The following PCDHGB4 variants were observed in gnomAD, a reference collection of about 807,000 sequenced individuals.
PCDHGB4 encodes protocadherin gamma subfamily B, 4.
In PCDHGB4, 38 loss-of-function variants were observed where a neutral mutation model predicts 60.5. The observed-to-expected ratio is 0.63, with a 90% CI of 0.48 to 0.82. PCDHGB4 has a LOEUF of 0.82. Ranked by LOEUF, PCDHGB4 falls within the 40% of genes least tolerant of loss-of-function variation. PCDHGB4 has a pLI of 0.00. For synonymous variants in PCDHGB4, 456 were observed against 509.7 expected, an observed-to-expected ratio of 0.89 and a Z score of 1.42; for missense variants, 1,109 against 1,209.6, an observed-to-expected ratio of 0.92 and a Z score of 1.23.
At chr5:141,467,008 AT>A (rs1165146249) in intron 1 of PCDHGB4, among the ~76,000 whole-genome samples, 2 of 150,270 alleles carry the variant, frequency 1.3e-5, no homozygotes, top group Non-Finnish European at 3.0e-5. Context: ...TTGCAATGCA[AT>A]TTTTTTCCCT....
chr5:141,427,467 T>TC, intron 1 of PCDHGB4: 1 of 508,052 alleles, frequency 2.0e-6, no homozygotes. Flanking sequence ...AATCGAATCT[T>TC]CCGCCAATAA....
chr5:141,433,358 C>CCCATCTAT (rs1554125967), intron 1 of PCDHGB4: 6 of 503,934 alleles, frequency 1.2e-5, no homozygotes, highest in Admixed American at 3.6e-5. Context: ...CTACTGTCTG[C>CCCATCTAT]CTATCTATCT....
rs2091936174 is a variant in PCDHGB4 at position 141,389,837 on chromosome 5, AC to A, written c.1954del (p.Leu652SerfsTer39). 6.2e-7 allele frequency: 1 copy of A among 1,613,842 alleles called. No individual in the cohort carries two copies. On this transcript the variant is annotated frameshift_variant, in exon 1 of 4. Transcript: ENST00000519479. LOFTEE classifies it high-confidence loss of function. ...VAVRDGGQPP[L>X]SATATLHLVF... ...CCGTGCGTGACGGTGGACAGCCACC[AC>A]TCTCGGCCACTGCCACGTTGCACCT...
Position 141,510,974 on chromosome 5 carries a change from G to T in PCDHGB4, c.2573G>T (p.Gly858Val). The T allele has an allele frequency of 6.2e-7, 1 of 1,614,150 alleles. No homozygotes were observed. The highest frequency in any genetic ancestry group is 1.1e-5 in the South Asian group (1 of 91,088). ...SEAADGSSTL[G>V]GGAGTMGLSA... ...GCTGCTGATGGGAGCTCCACCCTGG[G>T]AGGGGGTGCCGGCACCATGGGATTG... is the stretch of plus-strand genomic sequence containing the variant. The change falls in exon 4 of 4, where the codon GGA becomes GTA. Residue 858 changes from glycine (G) to valine (V), a missense_variant. Physicochemically the swap from Gly to Val is moderately radical, Grantham distance 109. Transcript: ENST00000519479.
chr5:141,492,908 A>G (rs1595151443), intron 1 of PCDHGB4, among the ~76,000 whole-genome samples: 2 of 152,302 alleles, frequency 1.3e-5, no homozygotes, highest in African/African-American at 4.8e-5. Context: ...TCGTGATCAC[A>G]ATGTGCCCAG....
chr5:141,419,317 T>C, intron 1 of PCDHGB4: 1 of 1,613,952 alleles, frequency 6.2e-7, no homozygotes, highest in Non-Finnish European at 8.5e-7. Flanking sequence ...TCAACGGCCG[T>C]GTCTCCTACT....
chr5:141,498,119 T>C (rs780741291), intron 2 of PCDHGB4, among the ~76,000 whole-genome samples: 42 of 152,192 alleles, frequency 2.8e-4, no homozygotes, highest in Non-Finnish European at 4.8e-4. Flanking sequence ...AATAGGGATT[T>C]GATTTAGGGA....
intron 1 of PCDHGB4, among the ~76,000 whole-genome samples, chr5:141,434,491 C>CCCAGGGCAGAAAACTGCTTAA (rs1300377022): frequency 1.8e-4 from 27 of 152,302 alleles, no homozygotes; most frequent in Non-Finnish European, 3.4e-4. Context: ...ACCTGGCCCG[C>CCCAGGGCAGAAAACTGCTTAA]CCAGGGCAGA....
intron 1 of PCDHGB4, among the ~76,000 whole-genome samples, chr5:141,461,415 T>C (rs2099015091): frequency 6.6e-6 from 1 of 152,152 alleles, no homozygotes; most frequent in Non-Finnish European, 1.5e-5. Flanking sequence ...TTTCATATGT[T>C]TGTGGGCCAT....
intron 1 of PCDHGB4, chr5:141,404,627 G>GC (rs2094548617): frequency 6.2e-7 from 1 of 1,614,026 alleles, no homozygotes; most frequent in Non-Finnish European, 8.5e-7. Flanking sequence ...GAATGACAAT[G>GC]CCCCAGAAAT....
At position 141,477,146 on chromosome 5, in the gene PCDHGB4, G is replaced by A. The variant is rs1447966302; in HGVS notation, c.2398-17661G>A. The stretch of plus-strand genomic sequence containing the variant: ...TTGCAAAGTGTTGGTGGAGGTTGTG[G>A]ATGTGAATGACAACGCCCCGGAGAT... On this transcript the variant is annotated intron_variant, in intron 1 of 3. Coordinates refer to ENST00000519479, the MANE Select transcript of PCDHGB4 (RefSeq NM_003736.4). This position sits in a 1 kb window ranked among gnomAD's most constrained non-coding sequence, Gnocchi z 4.9. 1 of 1,614,182 alleles carries A rather than the reference G, an allele frequency of 6.2e-7. No homozygotes were observed. The highest frequency in any genetic ancestry group is 8.5e-7 in the Non-Finnish European group (1 of 1,180,044).
chr5:141,484,869 G>C (rs2154580238), intron 1 of PCDHGB4: 1 of 292,558 alleles, frequency 3.4e-6, no homozygotes, highest in African/African-American at 2.2e-5. Flanking sequence ...GGGGGAGCGT[G>C]GAGGATAGGG....
At chr5:141,509,077 C>A (rs1371396735) in intron 3 of PCDHGB4, among the ~76,000 whole-genome samples, 3 of 152,242 alleles carry the variant, frequency 2.0e-5, no homozygotes, top group Admixed American at 2.0e-4. Flanking sequence ...CGGGGATTTG[C>A]GACATGAAAT....
At chr5:141,426,678 T>C (rs2096951425) in intron 1 of PCDHGB4, 2 of 431,490 alleles carry the variant, frequency 4.6e-6, no homozygotes, top group Admixed American at 5.1e-5. Flanking sequence ...CCCACCTCAT[T>C]TTCCCCAAAA....
At position 141,390,073 on chromosome 5, in the gene PCDHGB4, G is replaced by C; in HGVS notation, c.2189G>C (p.Cys730Ser). The C allele has an allele frequency of 6.2e-7, 1 of 1,614,074 alleles. No individual in the cohort carries two copies. The highest frequency in any genetic ancestry group is 8.5e-7 in the Non-Finnish European group (1 of 1,179,900). ...ASWSCFQPGLCVKSESVVPPN... is the reference protein window; with the variant it reads ...ASWSCFQPGLSVKSESVVPPN... ...TGGAGCTGCTTCCAGCCTGGTCTCT[G>C]TGTTAAATCCGAATCCGTGGTTCCC... The change falls in exon 1 of 4, where the codon TGT becomes TCT. Residue 730 changes from cysteine to serine, a missense_variant. This residue lies in a region of PCDHGB4 where 1,068 missense variants were observed against 1,089.9 expected (regional missense o/e 0.98). Transcript: ENST00000519479.
chr5:141,407,651 G>A (rs1005294855), intron 1 of PCDHGB4, among the ~76,000 whole-genome samples: 1 of 151,926 alleles, frequency 6.6e-6, no homozygotes, highest in African/African-American at 2.4e-5. Flanking sequence ...AATAATGGGG[G>A]AGCGCAGTAT....
At chr5:141,409,876 C>G in intron 1 of PCDHGB4, 1 of 1,612,874 alleles carries the variant, frequency 6.2e-7, no homozygotes, top group East Asian at 2.2e-5. Flanking sequence ...GCAATGACAA[C>G]GCACCGCGGG....
At chr5:141,390,307 A>G (rs2092112369) in intron 1 of PCDHGB4, 26 bp downstream of exon 1, 1 of 1,613,424 alleles carries the variant, frequency 6.2e-7, no homozygotes, top group Admixed American at 1.7e-5. Flanking sequence ...GTATAATTTA[A>G]TGCTCATTGC....
chr5:141,399,443 G>A, intron 1 of PCDHGB4: 1 of 1,614,018 alleles, frequency 6.2e-7, no homozygotes, highest in Non-Finnish European at 8.5e-7. Flanking sequence ...CTACATATCA[G>A]AGACGTCAAC....
Sources: allele counts gnomAD v4.1 joint callset (sites outside exome capture counted in the v4.1 genomes callset), GRCh38; gene constraint gnomAD v4.1.1; regional missense constraint gnomAD v4.1.1; non-coding constraint Gnocchi (gnomAD v3.1); transcripts MANE v1.5; gene names NCBI Gene and HGNC (gene_info 2026-07-23, HGNC 2026-07-21).